The following SPTA1 variants were observed in gnomAD, a reference collection of about 807,000 sequenced individuals.
SPTA1 encodes the protein spectrin alpha, erythrocytic 1.
Under a neutral mutation model 324.7 loss-of-function variants are expected in SPTA1, and 177 were observed. The ratio of observed to expected loss-of-function variants is 0.55; its 90% CI spans 0.48 to 0.62. The LOEUF (loss-of-function observed/expected upper bound fraction) is 0.62, where lower values mean the gene tolerates loss of function less well. Among genes scored for constraint, SPTA1 ranks in the 20% least tolerant of loss-of-function variants. The pLI is 0.00. For synonymous variants in SPTA1, 1,195 were observed against 1,041.3 expected (o/e 1.15, Z -2.84); for missense variants, 3,162 against 2,883.6 (o/e 1.10, Z -2.21).
In SPTA1 at chr1:158,638,058, G is replaced by T; in HGVS notation, c.5164C>A (p.Leu1722Ile). The T allele has an allele frequency of 6.2e-7, 1 of 1,613,842 alleles. No homozygotes were observed. The highest frequency in any genetic ancestry group is 8.5e-7 in the Non-Finnish European group (1 of 1,179,838). ...AYALFQFFQD[L>I]DDEESWIEEK... The stretch of plus-strand genomic sequence containing the variant: ...TCTATCCAGGATTCCTCATCATCTA[G>T]ATCCTGGAAGAACTGGAACAAGGCA... The change falls in exon 36 of 52, where the codon CTA becomes ATA. Residue 1722 changes from leucine to isoleucine, a missense_variant. Leu to Ile is a conservative substitution (Grantham distance 5). Transcript: ENST00000643759.
In SPTA1 at chr1:158,653,570, C is replaced by T. The variant is rs6666523; in HGVS notation, c.3037-145G>A. 0.021 allele frequency: 22,708 copies of T among 1,074,702 alleles called. 3,041 individuals carry two copies. In the African/African-American group the frequency reaches 0.3, roughly 14 times the overall value. 66.6% of individuals were successfully genotyped at this position (1,074,702 alleles called of 1,614,324 possible). A position where few individuals can be genotyped will look rare whatever the true frequency, so the allele number is the denominator to read the frequency against. On this transcript the variant is annotated intron_variant, in intron 21 of 51. Transcript: ENST00000643759. ...TGTCTAATGAGTGGCACATAATTTT[C>T]ATATATGACCAAGAAATGAAATGAA...
At chr1:158,667,624 A>T (rs58599512) in intron 15 of SPTA1, among the ~76,000 whole-genome samples, 37 of 152,050 alleles carry the variant, frequency 2.4e-4, no homozygotes, top group South Asian at 1.2e-3. Context: ...CTGCTAAAAA[A>T]TTTTTTTTTA....
intron 20 of SPTA1, among the ~76,000 whole-genome samples, chr1:158,655,760 A>T (rs1236351543): frequency 6.6e-6 from 1 of 152,098 alleles, no homozygotes; most frequent in Non-Finnish European, 1.5e-5. Flanking sequence ...CATTTATTTG[A>T]TTCCAGTTCA....
chr1:158,677,416 T>C (rs1299684983), intron 7 of SPTA1, among the ~76,000 whole-genome samples: 2 of 152,146 alleles, frequency 1.3e-5, no homozygotes, highest in African/African-American at 4.8e-5. Flanking sequence ...ATTTGTTTTG[T>C]TTTTAAATTG....
intron 7 of SPTA1, 59 bp downstream of exon 7, chr1:158,677,631 T>C: frequency 6.2e-7 from 1 of 1,601,180 alleles, no homozygotes; most frequent in South Asian, 1.1e-5. Context: ...ATAGGCAAGA[T>C]AATCAACAAT....
intron 41 of SPTA1, among the ~76,000 whole-genome samples, 169 bp from the exon 42 acceptor site, chr1:158,626,391 G>A (rs550468461): frequency 6.6e-6 from 1 of 152,142 alleles, no homozygotes; most frequent in African/African-American, 2.4e-5. Flanking sequence ...TTTCTACCTA[G>A]GCAGGATAAA....
Position 158,669,489 on chromosome 1 carries a change from C to G in SPTA1, c.1752G>C (p.Leu584=). ...RRRLLKESLL[L]QKLYEDSDDL... is the part of the protein sequence containing the mutation. The stretch of plus-strand genomic sequence containing the variant: ...CATCTGAGTCCTCATACAGTTTTTG[C>G]AGAAGCAATGACTCCTTCAGCAATC... Residue 584 remains leucine, a synonymous_variant, in exon 14 of 52, where the codon CTG becomes CTC. Coordinates refer to ENST00000643759, the MANE Select transcript of SPTA1 (RefSeq NM_003126.4). 1 of 1,614,154 alleles carries G rather than the reference C, an allele frequency of 6.2e-7. No individual in the cohort carries two copies. The highest frequency in any genetic ancestry group is 8.5e-7 in the Non-Finnish European group (1 of 1,180,020).
At position 158,676,228 on chromosome 1, in the gene SPTA1, T is replaced by C. The variant is rs776200095; in HGVS notation, c.1025A>G (p.Gln342Arg). The change falls in exon 8 of 52, where the codon CAG becomes CGG. Residue 342 changes from glutamine (Q) to arginine (R), a missense_variant. Physicochemically the swap from Gln to Arg is conservative, Grantham distance 43. Transcript: ENST00000643759. ...LSHPSDAPQI[Q>R]EMKEDLVSSW... ...GGAGACCAGATCTTCTTTCATCTCC[T>C]GGATCTGAGGTGCATCTGAAGGATG... 5.6e-6 allele frequency: 9 copies of C among 1,613,732 alleles called. No individual in the cohort carries two copies. Among genetic ancestry groups the C allele is most frequent in the Admixed American group, 1.7e-5 (1 of 59,992 alleles).
chr1:158,651,183 AC>A (rs1266956702), intron 24 of SPTA1, among the ~76,000 whole-genome samples, 183 bp downstream of exon 24: 2 of 152,350 alleles, frequency 1.3e-5, no homozygotes, highest in Non-Finnish European at 1.5e-5. Context: ...GTTAATTTAG[AC>A]AACAAAAATA....
Position 158,677,848 on chromosome 1 carries a change from C to T in SPTA1, c.813-14G>A, listed in dbSNP as rs1247852856. 1 of 1,613,382 alleles carries T rather than the reference C, an allele frequency of 6.2e-7. No individual in the cohort carries two copies. Among genetic ancestry groups the T allele is most frequent in the Non-Finnish European group, 8.5e-7 (1 of 1,179,556 alleles). On this transcript the variant is annotated splice_polypyrimidine_tract_variant and intron_variant, in intron 6 of 51. Coordinates refer to ENST00000643759, the MANE Select transcript of SPTA1 (RefSeq NM_003126.4). ...TCAGTCACATCCCTGCAGTCATTAA[C>T]AAGAGCTCCAACCAAAGAAGATAGC...
chr1:158,642,624 G>A, intron 32 of SPTA1, 82 bp from the exon 33 acceptor site: 1 of 1,589,660 alleles, frequency 6.3e-7, no homozygotes, highest in East Asian at 2.3e-5. Flanking sequence ...AAAAGGAAGG[G>A]CTAATATTTC....
In SPTA1 at chr1:158,636,776, G is replaced by C. The variant is rs1407570209; in HGVS notation, c.5190-15C>G. Reference sequence around the variant, plus strand: ...TCAACTTCTCCCTAAAATCAAGGAAGAAAACAGAAAGTTTGGAGTCTAGAC... The same window carrying C: ...TCAACTTCTCCCTAAAATCAAGGAACAAAACAGAAAGTTTGGAGTCTAGAC... On this transcript the variant is annotated splice_polypyrimidine_tract_variant and intron_variant, in intron 36 of 51. Coordinates refer to ENST00000643759, the MANE Select transcript of SPTA1 (RefSeq NM_003126.4). The C allele has an allele frequency of 3.7e-6, 6 of 1,613,846 alleles. No individual in the cohort carries two copies. Among genetic ancestry groups the C allele is most frequent in the East Asian group, 2.2e-5 (1 of 44,874 alleles).
At chr1:158,673,386 T>C (rs940469511) in intron 10 of SPTA1, among the ~76,000 whole-genome samples, 7 of 152,122 alleles carry the variant, frequency 4.6e-5, no homozygotes, top group African/African-American at 1.7e-4. Flanking sequence ...AAGGTGTGCC[T>C]AGACTCTGCC....
intron 33 of SPTA1, among the ~76,000 whole-genome samples, chr1:158,640,941 G>C (rs561279729): frequency 6.6e-6 from 1 of 152,230 alleles, no homozygotes; most frequent in South Asian, 2.1e-4. Context: ...AAACAGCATG[G>C]TACTGGTACC....
chr1:158,647,825 T>G, intron 26 of SPTA1, 105 bp from the exon 27 acceptor site: 2 of 1,230,836 alleles, frequency 1.6e-6, no homozygotes, highest in Non-Finnish European at 2.3e-6. Flanking sequence ...TAGATATCAG[T>G]GATGTACAAG....
intron 18 of SPTA1, among the ~76,000 whole-genome samples, chr1:158,659,603 T>TTTTTTTTTTTTTTTTTTTTTTTTTTA (rs1653062814): frequency 3.3e-5 from 1 of 30,566 alleles, no homozygotes; most frequent in Non-Finnish European, 4.9e-5. Context: ...TTATTTTTTT[T>TTTTTTTTTTTTTTTTTTTTTTTTTTA]TTTTTTTTTT....
chr1:158,628,271 T>G (rs1250863340), intron 39 of SPTA1, among the ~76,000 whole-genome samples: 1 of 152,140 alleles, frequency 6.6e-6, no homozygotes, highest in Non-Finnish European at 1.5e-5. Flanking sequence ...TGTCTTCTGT[T>G]GTACCTTCCA....
rs1649432100 is a variant in SPTA1 at position 158,614,325 on chromosome 1, A to AAT, written c.6789-20_6789-19insAT. On this transcript the variant is annotated intron_variant, in intron 48 of 51. Transcript: ENST00000643759. ...GATGTCCCTGAAAGAAAAAAAAAAA[A>AAT]CATGAATTTTCCCTGTATATGAAAC... The AAT allele has an allele frequency of 2.6e-6, 4 of 1,561,322 alleles. No homozygotes were observed. The highest frequency in any genetic ancestry group is 3.5e-6 in the Non-Finnish European group (4 of 1,137,046).
Position 158,638,221 on chromosome 1 carries a change from A to G in SPTA1, c.5001T>C (p.Asn1667=). ...LAREDALKDL[N]TLAEDLLSSG... ...TGGAGAGCAAATCTTCAGCCAATGT[A>G]TTCAGGTCCTTGAGTGCATCCTAGA... Residue 1667 remains asparagine (N), a synonymous_variant, in exon 36 of 52, where the codon AAT becomes AAC. Coordinates refer to ENST00000643759, the MANE Select transcript of SPTA1 (RefSeq NM_003126.4). 1.2e-6 allele frequency: 2 copies of G among 1,613,014 alleles called. No individual in the cohort carries two copies. The highest frequency in any genetic ancestry group is 1.7e-6 in the Non-Finnish European group (2 of 1,179,930).
Sources: allele counts gnomAD v4.1 joint callset (sites outside exome capture counted in the v4.1 genomes callset), GRCh38; gene constraint gnomAD v4.1.1; transcripts MANE v1.5; gene names NCBI Gene and HGNC (gene_info 2026-07-23, HGNC 2026-07-21).